The following ZBTB7C variants were observed in gnomAD, a reference collection of about 807,000 sequenced individuals.
ZBTB7C encodes the protein zinc finger and BTB domain containing 7C.
ZBTB7C carries 8 observed loss-of-function variants against 25.7 expected under a neutral mutation model. That is an observed-to-expected ratio of 0.31 (90% CI 0.18 to 0.56). The LOEUF (loss-of-function observed/expected upper bound fraction) is 0.56, where lower values mean the gene tolerates loss of function less well. Among genes scored for constraint, ZBTB7C ranks in the 20% least tolerant of loss-of-function variants. ZBTB7C has a pLI of 0.91. For missense variants in ZBTB7C, 824 were observed against 855.2 expected (o/e 0.96, Z 0.46); for synonymous variants, 394 against 369.0 (o/e 1.07, Z -0.78).
At chr18:48,126,702 A>AG (rs1315096167) in intron 3 of ZBTB7C, among the ~76,000 whole-genome samples, 2 of 152,236 alleles carry the variant, frequency 1.3e-5, no homozygotes, top group East Asian at 1.9e-4. Flanking sequence ...GCTGGGAGAA[A>AG]GGGGGGAGGA....
chr18:48,274,589 G>A (rs2044590841), intron 2 of ZBTB7C, among the ~76,000 whole-genome samples: 1 of 152,166 alleles, frequency 6.6e-6, no homozygotes, highest in Non-Finnish European at 1.5e-5. Flanking sequence ...GATCCACACA[G>A]TAGCTCAATC....
chr18:48,364,785 C>T (rs953576637), intron 1 of ZBTB7C, among the ~76,000 whole-genome samples: 2 of 152,174 alleles, frequency 1.3e-5, no homozygotes, highest in Admixed American at 1.3e-4. Context: ...TATGTATACA[C>T]CTTTTACCTT....
intron 2 of ZBTB7C, among the ~76,000 whole-genome samples, chr18:48,236,701 C>T (rs1420043954): frequency 2.0e-5 from 3 of 152,064 alleles, no homozygotes; most frequent in East Asian, 3.8e-4. Context: ...ATAGTGAGGG[C>T]TAACTGTGGA....
chr18:48,386,052 T>C (rs1213164839), intron 1 of ZBTB7C, among the ~76,000 whole-genome samples: 1 of 152,228 alleles, frequency 6.6e-6, no homozygotes, highest in Non-Finnish European at 1.5e-5. Context: ...TTACCCATTA[T>C]CCTCCATTCC....
chr18:48,383,478 C>G (rs1250016489), intron 1 of ZBTB7C, among the ~76,000 whole-genome samples: 1 of 152,080 alleles, frequency 6.6e-6, no homozygotes, highest in African/African-American at 2.4e-5. Flanking sequence ...GTTGGCCAGG[C>G]TGGTCTCGAA....
At chr18:48,172,681 G>A (rs2041527438) in intron 3 of ZBTB7C, among the ~76,000 whole-genome samples, 1 of 152,280 alleles carries the variant, frequency 6.6e-6, no homozygotes, top group African/African-American at 2.4e-5. Flanking sequence ...ATAGCCCTCA[G>A]TTCCTTGGGC....
chr18:48,229,093 T>G (rs910569261), intron 2 of ZBTB7C, among the ~76,000 whole-genome samples: 2 of 152,036 alleles, frequency 1.3e-5, no homozygotes, highest in East Asian at 1.9e-4. Context: ...AAACAGCATG[T>G]TCGTCCCGCT....
chr18:48,104,648 G>A (rs1168479871), intron 3 of ZBTB7C, among the ~76,000 whole-genome samples: 1 of 152,228 alleles, frequency 6.6e-6, no homozygotes, highest in Non-Finnish European at 1.5e-5. Context: ...ATCGTTAGCT[G>A]TAATAGAAGA....
intron 3 of ZBTB7C, among the ~76,000 whole-genome samples, chr18:48,078,071 G>A (rs1451381244): frequency 1.3e-5 from 2 of 152,144 alleles, no homozygotes; most frequent in African/African-American, 4.8e-5. Context: ...GGAGTAGAAG[G>A]CCAGAAGCTA....
intron 3 of ZBTB7C, among the ~76,000 whole-genome samples, chr18:48,176,410 A>C (rs985108037): frequency 6.6e-6 from 1 of 152,266 alleles, no homozygotes; most frequent in African/African-American, 2.4e-5. Context: ...GATGAGATCT[A>C]CTTGAGGGAG....
chr18:48,050,334 C>G (rs1030418047), intron 3 of ZBTB7C, among the ~76,000 whole-genome samples: 1 of 152,168 alleles, frequency 6.6e-6, no homozygotes, highest in Non-Finnish European at 1.5e-5. Flanking sequence ...GAGGCTGGAA[C>G]CAGACATGTG....
intron 3 of ZBTB7C, among the ~76,000 whole-genome samples, chr18:48,155,856 C>T (rs562614887): frequency 4.6e-4 from 70 of 152,246 alleles, no homozygotes; most frequent in African/African-American, 1.2e-3. Flanking sequence ...TTAGATCTTA[C>T]TTTATCTCAA....
chr18:48,157,951 G>A (rs2040887524), intron 3 of ZBTB7C, among the ~76,000 whole-genome samples: 2 of 152,150 alleles, frequency 1.3e-5, no homozygotes, highest in African/African-American at 2.4e-5. Context: ...ATTTGGGGAT[G>A]GAAAGAGGGA....
chr18:48,145,730 C>A (rs1252268907), intron 3 of ZBTB7C, among the ~76,000 whole-genome samples: 2 of 152,142 alleles, frequency 1.3e-5, no homozygotes, highest in Non-Finnish European at 2.9e-5. Context: ...AATAGATGGT[C>A]TCTATTTGTG....
chr18:48,293,750 G>A (rs113411638), intron 2 of ZBTB7C, among the ~76,000 whole-genome samples: 1,937 of 152,062 alleles, frequency 0.013, 35 homozygotes, highest in African/African-American at 0.043. Context: ...CAGTCACTTC[G>A]GTCCAGAACA....
chr18:48,226,103 G>A (rs2043084847), intron 2 of ZBTB7C, among the ~76,000 whole-genome samples: 1 of 152,228 alleles, frequency 6.6e-6, no homozygotes, highest in African/African-American at 2.4e-5. Context: ...ATCTCAGACT[G>A]TTCCAGCTGA....
In ZBTB7C at chr18:48,322,236, A is replaced by G. The variant is rs9960837; in HGVS notation, c.-79+15938T>C. On this transcript the variant is annotated intron_variant, in intron 2 of 4. Transcript: ENST00000590800. The stretch of plus-strand genomic sequence containing the variant: ...AGGATTTCTCAATCTCAGCACTGAC[A>G]CTCTGGGCTGCTGTGTCAGGTGGGG... Among the ~76,000 whole-genome samples, 1,453 of 151,984 alleles carry G rather than the reference A, an allele frequency of 9.6e-3. 18 individuals carry two copies. Among genetic ancestry groups the G allele is most frequent in the African/African-American group, 0.034 (1,390 of 41,436 alleles).
intron 2 of ZBTB7C, among the ~76,000 whole-genome samples, chr18:48,229,868 G>A (rs902190666): frequency 6.6e-6 from 1 of 152,106 alleles, no homozygotes; most frequent in Non-Finnish European, 1.5e-5. Context: ...GGGGAACAAG[G>A]CTTTCCTTTT....
rs375661264 is a variant in ZBTB7C at position 48,356,320 on chromosome 18, C to T, written c.-303-17922G>A. Among the ~76,000 whole-genome samples, 44 of 152,298 alleles carry T rather than the reference C, an allele frequency of 2.9e-4. No homozygotes were observed. The South Asian group carries it at 8.5e-3, about 29-fold the overall frequency. ...ATGCCAAGGTTGCCAGCCAACAGCG[C>T]AGAGCAGCCAGGATGCTTCAGCGCT... On this transcript the variant is annotated intron_variant, in intron 1 of 4. Transcript: ENST00000590800.
Sources: gnomAD v4.1 joint callset for allele counts (sites outside exome capture counted in the v4.1 genomes callset) on GRCh38, gnomAD v4.1.1 for gene constraint, MANE v1.5 for transcripts, NCBI Gene and HGNC (gene_info 2026-07-23, HGNC 2026-07-21) for gene names.